The following TBK1 variants were observed in gnomAD, a reference collection of about 807,000 sequenced individuals.
The protein encoded by TBK1 is TANK binding kinase 1, also known as serine/threonine-protein kinase TBK1.
TBK1 carries 37 observed loss-of-function variants against 99.9 expected under a neutral mutation model. The ratio of observed to expected loss-of-function variants is 0.37; its 90% CI spans 0.28 to 0.49. TBK1 has a LOEUF of 0.49. Ranked by LOEUF, TBK1 falls within the 20% of genes least tolerant of loss-of-function variation. The pLI is 0.98. For missense variants in TBK1, 644 were observed against 872.5 expected, an observed-to-expected ratio of 0.74 and a Z score of 3.30; for synonymous variants, 258 against 279.8, an observed-to-expected ratio of 0.92 and a Z score of 0.78.
chr12:64,491,106 T>C (rs2040865108), intron 13 of TBK1, among the ~76,000 whole-genome samples: 1 of 152,082 alleles, frequency 6.6e-6, no homozygotes, highest in Non-Finnish European at 1.5e-5. Flanking sequence ...GAATCTCTTA[T>C]TAACATGTAT....
intron 5 of TBK1, among the ~76,000 whole-genome samples, chr12:64,468,834 G>A (rs936262108): frequency 1.3e-5 from 2 of 152,140 alleles, no homozygotes; most frequent in African/African-American, 2.4e-5. Context: ...CAGGCACAGC[G>A]TTCTGACTGC....
chr12:64,494,749 T>G (rs578089731), intron 13 of TBK1, among the ~76,000 whole-genome samples: 25 of 152,216 alleles, frequency 1.6e-4, no homozygotes, highest in Non-Finnish European at 3.5e-4. Context: ...TTTTTGTCTT[T>G]CAGATTATCA....
intron 5 of TBK1, among the ~76,000 whole-genome samples, chr12:64,469,759 C>A (rs1293404093): frequency 6.6e-6 from 1 of 151,914 alleles, no homozygotes; most frequent in African/African-American, 2.4e-5. Flanking sequence ...TTCAAAAATT[C>A]AATTTCTCTC....
At chr12:64,485,846 C>T (rs1359774904) in intron 10 of TBK1, 80 bp from the exon 11 acceptor site, 2 of 1,002,494 alleles carry the variant, frequency 2.0e-6, no homozygotes, top group African/African-American at 3.3e-5. Flanking sequence ...AATGTGTAAG[C>T]TTGAATAATT....
In TBK1 at chr12:64,482,045, G is replaced by A. The variant is rs749448330; in HGVS notation, c.992+24G>A. Reference sequence around the variant, plus strand: ...ACGTAAGTATCTCTATTTTCTTCTTGTATCAACATGTTCTGTTATATAATA... The same window carrying A: ...ACGTAAGTATCTCTATTTTCTTCTTATATCAACATGTTCTGTTATATAATA... On this transcript the variant is annotated intron_variant, in intron 8 of 20. Transcript: ENST00000331710. 35 of 1,419,494 alleles carry A rather than the reference G, an allele frequency of 2.5e-5. No homozygotes were observed. The East Asian group carries it at 4.1e-4, about 17-fold the overall frequency. 87.9% of individuals were successfully genotyped at this position (1,419,494 alleles called of 1,614,324 possible). A position where few individuals can be genotyped will look rare whatever the true frequency, so the allele number is the denominator to read the frequency against.
intron 2 of TBK1, among the ~76,000 whole-genome samples, chr12:64,458,867 T>C (rs1454426111): frequency 2.0e-5 from 3 of 152,200 alleles, no homozygotes; most frequent in Admixed American, 1.3e-4. Context: ...AACTGAACTG[T>C]ACTTAAATTC....
chr12:64,484,579 C>G, intron 9 of TBK1, 80 bp downstream of exon 9: 3 of 1,380,112 alleles, frequency 2.2e-6, no homozygotes, highest in African/African-American at 1.5e-5. Context: ...GAGACCTTGT[C>G]TCTACAAAAA....
At chr12:64,481,234 G>A (rs2040764954) in intron 7 of TBK1, among the ~76,000 whole-genome samples, 1 of 151,990 alleles carries the variant, frequency 6.6e-6, no homozygotes, top group Non-Finnish European at 1.5e-5. Flanking sequence ...AACACTTGCT[G>A]GTAAATAATT....
chr12:64,479,888 T>A lies in TBK1; in HGVS notation c.702-124T>A, dbSNP rs915243233. 1.7e-5 allele frequency: 10 copies of A among 596,120 alleles called. No homozygotes were observed. The East Asian group carries it at 2.6e-4, about 15-fold the overall frequency. The allele number at this position is 596,120 out of a possible 1,614,324, so 36.9% of individuals were successfully genotyped here. The stretch of plus-strand genomic sequence containing the variant: ...GATTGTTTTATGGATCCTGTGAGCA[T>A]CAATCACAAAGTTTCATCTAGTAGA... On this transcript the variant is annotated intron_variant, in intron 6 of 20. Coordinates refer to ENST00000331710, the MANE Select transcript of TBK1 (RefSeq NM_013254.4).
chr12:64,501,179 T>G, intron 20 of TBK1, 151 bp from the exon 21 acceptor site: 1 of 696,370 alleles, frequency 1.4e-6, no homozygotes, highest in Non-Finnish European at 2.4e-6. Context: ...TACCATGCTG[T>G]TCCAGTAAGA....
rs760765485 is a variant in TBK1, at chr12:64,486,023, T to C, written c.1340+6T>C. ...AAGGGGATACGATGGCTGATGTAAGTAATAGATTGAAATTTTGAAATTGAT... is the reference window on the plus strand; with the variant it reads ...AAGGGGATACGATGGCTGATGTAAGCAATAGATTGAAATTTTGAAATTGAT... On this transcript the variant is annotated splice_donor_region_variant and intron_variant, in intron 11 of 20. Transcript: ENST00000331710. The C allele has an allele frequency of 1.3e-6, 2 of 1,560,494 alleles. No homozygotes were observed. The highest frequency in any genetic ancestry group is 1.7e-6 in the Non-Finnish European group (2 of 1,154,796).
At chr12:64,473,927 G>GA (rs954110322) in intron 5 of TBK1, among the ~76,000 whole-genome samples, 3 of 151,942 alleles carry the variant, frequency 2.0e-5, no homozygotes, top group African/African-American at 7.3e-5. Context: ...AAAAAAAAGA[G>GA]AAAAAAATAA....
At chr12:64,491,644 T>C (rs1411620579) in intron 13 of TBK1, among the ~76,000 whole-genome samples, 2 of 151,928 alleles carry the variant, frequency 1.3e-5, no homozygotes, top group Non-Finnish European at 2.9e-5. Context: ...TAAATAAATA[T>C]ATTGTAATCT....
chr12:64,473,177 G>A (rs908664727), intron 5 of TBK1, among the ~76,000 whole-genome samples: 4 of 152,182 alleles, frequency 2.6e-5, no homozygotes, highest in Non-Finnish European at 4.4e-5. Flanking sequence ...TTTTGGATAC[G>A]TTAAGTTTGA....
At chr12:64,477,497 T>G (rs907268361) in intron 6 of TBK1, among the ~76,000 whole-genome samples, 2 of 152,240 alleles carry the variant, frequency 1.3e-5, no homozygotes, top group Non-Finnish European at 2.9e-5. Context: ...GTTCTACATT[T>G]ATTTTGTGTC....
In TBK1 at chr12:64,495,623, C is replaced by T. The variant is rs758392356; in HGVS notation, c.1643+19C>T. 1.1e-5 allele frequency: 17 copies of T among 1,613,294 alleles called. No homozygotes were observed. The highest frequency in any genetic ancestry group is 1.6e-4 in the Middle Eastern group (1 of 6,082). The stretch of plus-strand genomic sequence containing the variant: ...ACAGAAAGTAGGTTATAGCTTTATG[C>T]GTAGTTTCTGCTCTTATTAATGTCC... On this transcript the variant is annotated intron_variant, in intron 14 of 20. Coordinates refer to ENST00000331710, the MANE Select transcript of TBK1 (RefSeq NM_013254.4).
rs55824172 is a variant in TBK1 at position 64,466,994 on chromosome 12, C to G, written c.452C>G (p.Ser151Cys). Residue 151 changes from serine (S) to cysteine (C), a missense_variant, in exon 5 of 21, where the codon TCT becomes TGT. Physicochemically the swap from Ser to Cys is moderately radical, Grantham distance 112. This residue lies in a region of TBK1 where 148 missense variants were observed against 202.1 expected (regional missense o/e 0.73). Transcript: ENST00000331710. ...IMRVIGEDGQSVYKLTDFGAA... is the reference protein window; with the variant it reads ...IMRVIGEDGQCVYKLTDFGAA... Reference sequence around the variant, plus strand: ...CGTGTTATAGGGGAAGATGGACAGTCTGTGTACAAACTCACAGATTTTGGT... The same window carrying G: ...CGTGTTATAGGGGAAGATGGACAGTGTGTGTACAAACTCACAGATTTTGGT... The G allele has an allele frequency of 1.9e-5, 31 of 1,612,542 alleles. No individual in the cohort carries two copies. Among genetic ancestry groups the G allele is most frequent in the African/African-American group, 2.7e-5 (2 of 74,832 alleles).
At chr12:64,461,418 G>A (rs1345130530) in intron 3 of TBK1, among the ~76,000 whole-genome samples, 1 of 151,870 alleles carries the variant, frequency 6.6e-6, no homozygotes, top group African/African-American at 2.4e-5. Context: ...AAAATCTTTG[G>A]GAAAAAATGT....
intron 4 of TBK1, among the ~76,000 whole-genome samples, chr12:64,465,955 A>G (rs2136062687): frequency 6.6e-6 from 1 of 152,304 alleles, no homozygotes; most frequent in South Asian, 2.1e-4. Context: ...AAAATACTGC[A>G]ATCAAAGGAA....
Sources: allele counts gnomAD v4.1 joint callset (sites outside exome capture counted in the v4.1 genomes callset), GRCh38; gene constraint gnomAD v4.1.1; regional missense constraint gnomAD v4.1.1; transcripts MANE v1.5; gene names NCBI Gene and HGNC (gene_info 2026-07-23, HGNC 2026-07-21).